ARHGAP4: variants seen among roughly 807,000 people sequenced by gnomAD.
The protein encoded by ARHGAP4 is rho GTPase-activating protein 4.
ARHGAP4 carries 25 observed loss-of-function variants against 67.6 expected under a neutral mutation model. That is an observed-to-expected ratio of 0.37 (90% confidence interval 0.27 to 0.52). The LOEUF is 0.52. Among genes scored for constraint, ARHGAP4 ranks in the 20% least tolerant of loss-of-function variants. The pLI, the probability that ARHGAP4 is intolerant of heterozygous loss-of-function variation, is 0.92. For missense variants in ARHGAP4, 804 were observed against 854.6 expected (o/e 0.94, Z 0.74); for synonymous variants, 448 against 373.7 (o/e 1.20, Z -2.29).
At chrX:153,918,748 G>T in intron 7 of ARHGAP4, 84 bp downstream of exon 7, 1 of 1,010,430 alleles carries the variant, frequency 9.9e-7, no homozygotes, top group Non-Finnish European at 1.4e-6. Flanking sequence ...GGATTCCTGA[G>T]CAAAGTGTGG....
At chrX:153,924,338 T>A (rs1421601308) in intron 1 of ARHGAP4, among the ~76,000 whole-genome samples, 1 of 111,572 alleles carries the variant, frequency 9.0e-6, no homozygotes, top group South Asian at 3.7e-4. Flanking sequence ...CCGGCTGGTG[T>A]TGAGCAGGCA....
intron 1 of ARHGAP4, among the ~76,000 whole-genome samples, chrX:153,925,820 C>T (rs1358618770): frequency 1.8e-5 from 2 of 113,094 alleles, no homozygotes; most frequent in South Asian, 7.1e-4. Flanking sequence ...TTCTGAGGGG[C>T]ACGTTGGTGC....
chrX:153,915,299 G>C (rs1426296410), intron 7 of ARHGAP4, among the ~76,000 whole-genome samples: 3 of 112,254 alleles, frequency 2.7e-5, no homozygotes, highest in African/African-American at 9.7e-5. Flanking sequence ...TCTGCGGCTG[G>C]ATGGTGGTGA....
In ARHGAP4 at chrX:153,913,209, TG is replaced by T; in HGVS notation, c.1411+8del. The T allele has an allele frequency of 8.6e-7, 1 of 1,167,212 alleles. No individual in the cohort carries two copies. Among genetic ancestry groups the T allele is most frequent in the Non-Finnish European group, 1.1e-6 (1 of 872,937 alleles). On this transcript the variant is annotated splice_region_variant and intron_variant, in intron 10 of 21. Coordinates refer to ENST00000350060, the MANE Select transcript of ARHGAP4 (RefSeq NM_001666.5). Reference sequence around the variant, plus strand: ...GGAGAGGCGGGGAAGGGGGCAGCACTGGGCCCACCTCGCTGAAGGGCCTCCT... The same window carrying T: ...GGAGAGGCGGGGAAGGGGGCAGCACTGGCCCACCTCGCTGAAGGGCCTCCT...
intron 7 of ARHGAP4, among the ~76,000 whole-genome samples, chrX:153,917,683 C>T (rs1237205610): frequency 9.0e-6 from 1 of 111,729 alleles, no homozygotes; most frequent in African/African-American, 3.3e-5. Flanking sequence ...AAGGTTGCAT[C>T]TGCAGTGAGC....
Position 153,907,728 on chromosome X carries a change from C to G in ARHGAP4, c.*1G>C. 1 of 976,389 alleles carries G rather than the reference C, an allele frequency of 1.0e-6. No homozygotes were observed. Among genetic ancestry groups the G allele is most frequent in the Middle Eastern group, 3.2e-4 (1 of 3,155 alleles). 80.5% of individuals were successfully genotyped at this position (976,389 alleles called of 1,213,427 possible). On this transcript the variant is annotated 3_prime_UTR_variant, in exon 22 of 22. Transcript: ENST00000350060. ...GGGCACGCATCTCCAGCAGCGGCAC[C>G]TCAGTGTGGCTTGGGGGTCGTGTCT...
chrX:153,921,798 G>A lies in ARHGAP4; in HGVS notation c.79C>T (p.Gln27Ter). Residue 27 changes from glutamine (Q) to a stop codon, truncating the protein, a stop_gained, in exon 2 of 22, where the codon CAG becomes TAG. Coordinates refer to ENST00000350060, the MANE Select transcript of ARHGAP4 (RefSeq NM_001666.5). LOFTEE classifies it high-confidence loss of function. ...YETQVKEMRWQLSEQLRCLEL... is the reference protein window; with the variant it reads ...YETQVKEMRW ...AGGCAGCGCAGCTGCTCGCTCAGCTGCCAGCGCATCTCTGTGGGGGGAACC... is the reference window on the plus strand; with the variant it reads ...AGGCAGCGCAGCTGCTCGCTCAGCTACCAGCGCATCTCTGTGGGGGGAACC... 8.4e-7 allele frequency: 1 copy of A among 1,184,831 alleles called. No homozygotes were observed. Among genetic ancestry groups the A allele is most frequent in the Non-Finnish European group, 1.1e-6 (1 of 884,125 alleles).
chrX:153,919,477 T>C lies in ARHGAP4; in HGVS notation c.682-194A>G, dbSNP rs782441635. 31 of 1,113,750 alleles carry C rather than the reference T, an allele frequency of 2.8e-5. No individual in the cohort carries two copies. In the South Asian group the frequency reaches 6.5e-4, roughly 23 times the overall value. The allele number at this position is 1,113,750 out of a possible 1,213,427, so 91.8% of individuals were successfully genotyped here. On this transcript the variant is annotated intron_variant, in intron 5 of 21. Coordinates refer to ENST00000350060, the MANE Select transcript of ARHGAP4 (RefSeq NM_001666.5). ...AGCCCAGTGCCAGGAGGTGACTTGA[T>C]TCCCCGGCTGTTCACCCGCCACTTG...
intron 19 of ARHGAP4, 35 bp downstream of exon 19, chrX:153,909,706 G>C (rs371890065): frequency 8.7e-7 from 1 of 1,154,085 alleles, no homozygotes; most frequent in African/African-American, 1.8e-5. Context: ...GGGAGACTCC[G>C]GGAGCCCTGG....
chrX:153,926,197 G>T lies in ARHGAP4; in HGVS notation c.6C>A (p.Ala2=). 1 of 1,196,675 alleles carries T rather than the reference G, an allele frequency of 8.4e-7. No individual in the cohort carries two copies. The highest frequency in any genetic ancestry group is 1.8e-5 in the South Asian group (1 of 55,835). M[A]AHGKLRRERG... is the part of the protein sequence containing the mutation. ...GCTCCCGCCGCAGCTTCCCGTGAGC[G>T]GCCATGGCGGCCTCGCGGCCGCGCC... The change falls in exon 1 of 22, where the codon GCC becomes GCA. Residue 2 remains alanine (A), a synonymous_variant. Transcript: ENST00000350060.
In ARHGAP4 at chrX:153,910,007, C is replaced by G. The variant is rs782560487; in HGVS notation, c.2230+5G>C. On this transcript the variant is annotated splice_donor_5th_base_variant and intron_variant, in intron 18 of 21. Transcript: ENST00000350060. ...AGGGTGGGGCTCTCTGCCCATCGCCCTCACCATCCTCCTGTGCGGGCATCT... is the reference window on the plus strand; with the variant it reads ...AGGGTGGGGCTCTCTGCCCATCGCCGTCACCATCCTCCTGTGCGGGCATCT... 1 of 1,211,290 alleles carries G rather than the reference C, an allele frequency of 8.3e-7. No individual in the cohort carries two copies. Among genetic ancestry groups the G allele is most frequent in the East Asian group, 3.0e-5 (1 of 33,834 alleles).
rs782125440 is a variant in ARHGAP4 at position 153,921,369 on chromosome X, T to C, written c.431A>G (p.Lys144Arg). ...GGCCCAGGATGAGAGCCTCACCTTCTTGACCAGGCGCCCCACGTCCTCTGC... is the reference window on the plus strand; with the variant it reads ...GGCCCAGGATGAGAGCCTCACCTTCCTGACCAGGCGCCCCACGTCCTCTGC... The part of the protein sequence containing the change: ...HIAEDVGRLV[K>R]KSRDLEQQLQ... The change falls in exon 3 of 22, where the codon AAG (lysine) becomes AGG (arginine). Residue 144 changes from lysine (K) to arginine (R), a missense_variant. This residue lies in a region of ARHGAP4 where 404 missense variants were observed against 505.9 expected (regional missense o/e 0.80). Coordinates refer to ENST00000350060, the MANE Select transcript of ARHGAP4 (RefSeq NM_001666.5). 5.8e-6 allele frequency: 7 copies of C among 1,210,999 alleles called. No individual in the cohort carries two copies. The East Asian group carries it at 8.9e-5, about 15-fold the overall frequency.
rs1309464661 is a variant in ARHGAP4, at chrX:153,907,389, A to G, written c.*340T>C. ...AGCTGGCTCCCATCGGGGAATCAAC[A>G]CGAGGTCTTTATGAATCGCCACCCA... On this transcript the variant is annotated 3_prime_UTR_variant, in exon 22 of 22. Transcript: ENST00000350060. 1.4e-5 allele frequency: 4 copies of G among 283,591 alleles called. No homozygotes were observed. The highest frequency in any genetic ancestry group is 1.1e-4 in the African/African-American group (4 of 35,996). The allele number at this position is 283,591 out of a possible 1,213,427, so 23.4% of individuals were successfully genotyped here. A position where few individuals can be genotyped will look rare whatever the true frequency, so the allele number is the denominator to read the frequency against.
Position 153,912,696 on chromosome X carries a change from G to A in ARHGAP4, c.1542+4C>T, listed in dbSNP as rs781847138. ...TGGGCTGGCATGTGGGGCAAAGCTAGTACCTGGATAAACTTCTCCATGTCT... is the reference window on the plus strand; with the variant it reads ...TGGGCTGGCATGTGGGGCAAAGCTAATACCTGGATAAACTTCTCCATGTCT... On this transcript the variant is annotated splice_donor_region_variant and intron_variant, in intron 12 of 21. Transcript: ENST00000350060. 3 of 1,202,003 alleles carry A rather than the reference G, an allele frequency of 2.5e-6. No homozygotes were observed. The South Asian group carries it at 5.3e-5, about 21-fold the overall frequency.
rs138870391 is a variant in ARHGAP4 at position 153,910,185 on chromosome X, G to A, written c.2142C>T (p.Ser714=). 2.5e-3 allele frequency: 2,995 copies of A among 1,209,938 alleles called. 7 individuals are homozygous for A. Among genetic ancestry groups the A allele is most frequent in the Admixed American group, 3.0e-3 (139 of 45,931 alleles). Residue 714 remains serine, a synonymous_variant, in exon 17 of 22, where the codon TCC becomes TCT. Transcript: ENST00000350060. The part of the protein sequence containing the change: ...PVYEKCMAPP[S]ASCLGDAQLE... Reference sequence around the variant, plus strand: ...CAAGGGTGTACCCCAGGCAGCTGGCGGAAGGCGGTGCCATGCACTTCTCGT... The same window carrying A: ...CAAGGGTGTACCCCAGGCAGCTGGCAGAAGGCGGTGCCATGCACTTCTCGT...
chrX:153,909,952 G>A, intron 18 of ARHGAP4, 28 bp from the exon 19 acceptor site: 1 of 1,209,185 alleles, frequency 8.3e-7, no homozygotes, highest in South Asian at 1.8e-5. Flanking sequence ...TCCAAGCTGT[G>A]GGAGGGGGTG....
At chrX:153,920,579 G>GGGCCCAT (rs1333578432) in intron 5 of ARHGAP4, 47 bp downstream of exon 5, 36 of 1,137,310 alleles carry the variant, frequency 3.2e-5, no homozygotes, top group Non-Finnish European at 3.9e-5. Flanking sequence ...GTCCTAGTTA[G>GGGCCCAT]GGCCCATGGC....
intron 4 of ARHGAP4, 132 bp from the exon 5 acceptor site, chrX:153,920,940 C>T (rs972768810): frequency 1.8e-5 from 18 of 973,613 alleles, no homozygotes; most frequent in South Asian, 2.2e-5. Context: ...TAGCCTAACG[C>T]CCTGTGCCTA....
In ARHGAP4 at chrX:153,913,452, C is replaced by CG; in HGVS notation, c.1282dup (p.Arg428ProfsTer45). ...GGTCTCCTGCTGCTGGCCGCGCCTC[C>CG]GGCCCGCCTGCCGGCTGCCTGGGTC... On this transcript the variant is annotated frameshift_variant, in exon 9 of 22. Transcript: ENST00000350060. LOFTEE classifies it high-confidence loss of function. 8.3e-7 allele frequency: 1 copy of CG among 1,211,729 alleles called. No homozygotes were observed. The highest frequency in any genetic ancestry group is 1.1e-6 in the Non-Finnish European group (1 of 895,426).
Sources: allele counts gnomAD v4.1 joint callset (sites outside exome capture counted in the v4.1 genomes callset), GRCh38; gene constraint gnomAD v4.1.1; regional missense constraint gnomAD v4.1.1; transcripts MANE v1.5; gene names NCBI Gene and HGNC (gene_info 2026-07-23, HGNC 2026-07-21).